The following THSD4 variants were observed in gnomAD, a reference collection of about 807,000 sequenced individuals.
The protein encoded by THSD4 is thrombospondin type-1 domain-containing protein 4.
Under a neutral mutation model 119.0 loss-of-function variants are expected in THSD4, and 69 were observed. The observed-to-expected ratio is 0.58, with a 90% CI of 0.48 to 0.71. THSD4 has a LOEUF of 0.71. THSD4 is among the 30% of genes least tolerant of loss of function. The pLI is 0.00. For synonymous variants in THSD4, 524 were observed against 540.4 expected (o/e 0.97, Z 0.42); for missense variants, 1,393 against 1,391.1 (o/e 1.00, Z -0.02).
intron 6 of THSD4, among the ~76,000 whole-genome samples, chr15:71,308,037 A>C (rs2045055949): frequency 6.6e-6 from 1 of 152,194 alleles, no homozygotes; most frequent in Admixed American, 6.5e-5. Flanking sequence ...TCATAGAAGC[A>C]TGCAGCACCT....
intron 6 of THSD4, among the ~76,000 whole-genome samples, chr15:71,395,579 A>C (rs2046438611): frequency 6.6e-6 from 1 of 152,084 alleles, no homozygotes; most frequent in African/African-American, 2.4e-5. Flanking sequence ...CCACCTCTAC[A>C]AAAAATACAA....
chr15:71,591,982 A>G (rs1159320156), intron 7 of THSD4, among the ~76,000 whole-genome samples: 3 of 152,192 alleles, frequency 2.0e-5, no homozygotes, highest in Non-Finnish European at 4.4e-5. Context: ...TCCCATCCCT[A>G]TGAGGCAGAT....
chr15:71,148,497 A>G (rs1456988417), intron 2 of THSD4, among the ~76,000 whole-genome samples: 3 of 149,882 alleles, frequency 2.0e-5, no homozygotes, highest in African/African-American at 7.6e-5. Context: ...AAGAAAACAG[A>G]GAAAATAAAT....
chr15:71,739,606 C>T (rs554701296), intron 11 of THSD4, among the ~76,000 whole-genome samples: 27 of 152,290 alleles, frequency 1.8e-4, no homozygotes, highest in African/African-American at 6.5e-4. Context: ...TGCAAAGATA[C>T]ACCTATGAAC....
At chr15:71,536,691 A>G (rs921267196) in intron 7 of THSD4, among the ~76,000 whole-genome samples, 5 of 152,174 alleles carry the variant, frequency 3.3e-5, no homozygotes, top group African/African-American at 1.2e-4. Flanking sequence ...TCACTTATGT[A>G]TTATAAGAAC....
At chr15:71,525,086 A>T (rs576054335) in intron 7 of THSD4, among the ~76,000 whole-genome samples, 9 of 152,022 alleles carry the variant, frequency 5.9e-5, no homozygotes, top group Middle Eastern at 3.4e-3. Context: ...AGAGAAATGT[A>T]GCCATCAATT....
chr15:71,287,384 T>C (rs2044731308), intron 6 of THSD4, among the ~76,000 whole-genome samples: 1 of 152,232 alleles, frequency 6.6e-6, no homozygotes, highest in African/African-American at 2.4e-5. Context: ...TGTTTTTATA[T>C]AAACCTACAG....
intron 6 of THSD4, among the ~76,000 whole-genome samples, chr15:71,340,650 G>A (rs149433095): frequency 1.3e-4 from 18 of 141,214 alleles, no homozygotes; most frequent in Admixed American, 2.2e-4. Flanking sequence ...CTGTCACCCA[G>A]CCTGGAGTGC....
intron 10 of THSD4, among the ~76,000 whole-genome samples, chr15:71,737,290 T>C (rs905060337): frequency 5.9e-5 from 9 of 152,240 alleles, no homozygotes; most frequent in Non-Finnish European, 1.2e-4. Flanking sequence ...CATGGATCTA[T>C]TTGCAGGCTC....
At chr15:71,721,070 A>G (rs915409969) in intron 8 of THSD4, among the ~76,000 whole-genome samples, 3 of 152,156 alleles carry the variant, frequency 2.0e-5, no homozygotes, top group African/African-American at 7.2e-5. Context: ...ATGGGCATTA[A>G]GATTATGGGA....
At chr15:71,327,240 G>A (rs1199111770) in intron 6 of THSD4, among the ~76,000 whole-genome samples, 1 of 151,958 alleles carries the variant, frequency 6.6e-6, no homozygotes, top group Non-Finnish European at 1.5e-5. Flanking sequence ...AATTGTTCAT[G>A]GTGGCCTTTT....
At chr15:71,323,395 A>T (rs1473975443) in intron 6 of THSD4, among the ~76,000 whole-genome samples, 1 of 152,232 alleles carries the variant, frequency 6.6e-6, no homozygotes, top group Non-Finnish European at 1.5e-5. Flanking sequence ...GTAGCAGCTT[A>T]GAAAAGGAGA....
Position 71,777,984 on chromosome 15 carries a change from C to G in THSD4, c.*610C>G, listed in dbSNP as rs2053944015. The G allele has an allele frequency of 6.6e-6, 1 of 152,570 alleles. No individual in the cohort carries two copies. Among genetic ancestry groups the G allele is most frequent in the Non-Finnish European group, 1.5e-5 (1 of 68,292 alleles). 9.5% of individuals were successfully genotyped at this position (152,570 alleles called of 1,614,324 possible). A position where few individuals can be genotyped will look rare whatever the true frequency, so the allele number is the denominator to read the frequency against. The stretch of plus-strand genomic sequence containing the variant: ...CAGATACTAGCTCCTTAGCAGCTCA[C>G]AACATCCCAGAATGGGAGGCAGGGG... On this transcript the variant is annotated 3_prime_UTR_variant, in exon 18 of 18. Transcript: ENST00000261862.
chr15:71,340,603 C>CTTTTT lies in THSD4; in HGVS notation c.1016-71068_1016-71064dup, dbSNP rs780712768. ...TTGGGCCTTAATGAGCATCCAGAGA[C>CTTTTT]TTTTTTTTTTTTTTTTTTTTGCGAC... On this transcript the variant is annotated intron_variant, in intron 6 of 17. Transcript: ENST00000261862. Among the ~76,000 whole-genome samples, 17 of 115,222 alleles carry CTTTTT rather than the reference C, an allele frequency of 1.5e-4. 1 individual carries two copies. The highest frequency in any genetic ancestry group is 4.8e-4 in the African/African-American group (14 of 29,242). 75.6% of individuals were successfully genotyped at this position (115,222 alleles called of 152,430 possible).
chr15:71,195,099 T>A (rs2043708144), intron 3 of THSD4, among the ~76,000 whole-genome samples: 1 of 152,208 alleles, frequency 6.6e-6, no homozygotes, highest in Non-Finnish European at 1.5e-5. Context: ...AGGCCTCGTG[T>A]TAATTCATTG....
At chr15:71,772,997 C>G (rs1405400433) in intron 17 of THSD4, among the ~76,000 whole-genome samples, 1 of 151,866 alleles carries the variant, frequency 6.6e-6, no homozygotes, top group African/African-American at 2.4e-5. Flanking sequence ...TTGCTTGAGC[C>G]CAGCAGTTCA....
chr15:71,259,861 G>GT (rs1199165892), intron 6 of THSD4, among the ~76,000 whole-genome samples: 3 of 152,234 alleles, frequency 2.0e-5, no homozygotes, highest in African/African-American at 2.4e-5. Context: ...ATGCTTTCCA[G>GT]TGAACATTTA....
intron 6 of THSD4, among the ~76,000 whole-genome samples, chr15:71,363,172 C>A (rs2165486): frequency 0.21 from 32,344 of 151,956 alleles, 4,025 homozygotes; most frequent in East Asian, 0.54. Context: ...CAGCTATTGA[C>A]TATTTTAGAC....
chr15:71,656,399 G>A (rs920852766), intron 7 of THSD4, among the ~76,000 whole-genome samples: 4 of 152,146 alleles, frequency 2.6e-5, no homozygotes, highest in African/African-American at 9.7e-5. Flanking sequence ...CAATAAGAAA[G>A]TAATGCAACA....
Sources: gnomAD v4.1 joint callset for allele counts (sites outside exome capture counted in the v4.1 genomes callset) on GRCh38, gnomAD v4.1.1 for gene constraint, MANE v1.5 for transcripts, NCBI Gene and HGNC (gene_info 2026-07-23, HGNC 2026-07-21) for gene names.